CSMD2: variants seen among roughly 807,000 people sequenced by gnomAD.
CSMD2 encodes CUB and Sushi multiple domains 2.
CSMD2 carries 130 observed loss-of-function variants against 398.5 expected under a neutral mutation model. That is an observed-to-expected ratio of 0.33 (90% CI 0.28 to 0.38). The LOEUF (loss-of-function observed/expected upper bound fraction) is 0.38, where lower values mean the gene tolerates loss of function less well. CSMD2 is among the 10% of genes least tolerant of loss of function. CSMD2 has a pLI of 1.00. For missense variants in CSMD2, 3,829 were observed against 4,764.9 expected (o/e 0.80, Z 5.78); for synonymous variants, 1,828 against 1,908.5 (o/e 0.96, Z 1.10).
At chr1:33,984,940 G>C (rs1325680245) in intron 3 of CSMD2, among the ~76,000 whole-genome samples, 2 of 152,056 alleles carry the variant, frequency 1.3e-5, no homozygotes, top group African/African-American at 4.8e-5. Flanking sequence ...GTATAAAAGA[G>C]GTGATGTTAA....
chr1:34,031,548 C>A (rs1650417875), intron 3 of CSMD2, among the ~76,000 whole-genome samples: 1 of 151,978 alleles, frequency 6.6e-6, no homozygotes, highest in South Asian at 2.1e-4. Flanking sequence ...ATAACTGAAG[C>A]CTTCCCAGGA....
At chr1:33,847,665 A>G (rs1377005141) in intron 5 of CSMD2, among the ~76,000 whole-genome samples, 1 of 152,172 alleles carries the variant, frequency 6.6e-6, no homozygotes, top group African/African-American at 2.4e-5. Context: ...ATTATAATTC[A>G]GTTATAGAAG....
intron 2 of CSMD2, among the ~76,000 whole-genome samples, chr1:34,033,541 A>G (rs1650722634): frequency 6.6e-6 from 1 of 152,232 alleles, no homozygotes; most frequent in Non-Finnish European, 1.5e-5. Context: ...ACTGCTGGGC[A>G]TCCATGCCTG....
chr1:33,810,938 C>A, intron 9 of CSMD2, 74 bp from the exon 10 acceptor site: 1 of 1,533,786 alleles, frequency 6.5e-7, no homozygotes. Context: ...CCACTCCCCA[C>A]CCAGAAGACA....
chr1:33,543,571 C>A (rs1391909127), intron 57 of CSMD2, among the ~76,000 whole-genome samples: 1 of 152,200 alleles, frequency 6.6e-6, no homozygotes, highest in Non-Finnish European at 1.5e-5. Context: ...TGAGGCTCAT[C>A]AGTGATTTCG....
rs11287371 is a variant in CSMD2, at chr1:33,715,907, CTT to C, written c.3217+377_3217+378del. On this transcript the variant is annotated intron_variant, in intron 20 of 70. Coordinates refer to ENST00000373381, the MANE Select transcript of CSMD2 (RefSeq NM_001281956.2). Reference sequence around the variant, plus strand: ...CCACTCCAATATGTTAATTTCAAACCTTTTTTTTTTTTCATATTGCTGGGGTT... The same window carrying C: ...CCACTCCAATATGTTAATTTCAAACCTTTTTTTTTTCATATTGCTGGGGTT... 2.6e-3 allele frequency among the ~76,000 whole-genome samples: 382 copies of C among 148,832 alleles called. 2 individuals carry two copies. The Middle Eastern group carries it at 0.028, about 11-fold the overall frequency.
chr1:33,566,476 AT>A (rs1248506247), intron 53 of CSMD2, among the ~76,000 whole-genome samples: 4 of 152,198 alleles, frequency 2.6e-5, no homozygotes, highest in African/African-American at 9.6e-5. Flanking sequence ...AGTCATATTA[AT>A]ATATGTGAAT....
chr1:33,708,939 C>T (rs1645895742), intron 22 of CSMD2, 150 bp downstream of exon 22: 1 of 643,286 alleles, frequency 1.6e-6, no homozygotes. Flanking sequence ...CTCTTTTGGT[C>T]CTCTCTTTCT....
At chr1:33,568,554 A>G (rs1024140283) in intron 52 of CSMD2, among the ~76,000 whole-genome samples, 7 of 152,238 alleles carry the variant, frequency 4.6e-5, no homozygotes, top group African/African-American at 1.7e-4. Context: ...AAGGCAGTCA[A>G]AACCTGGCTG....
At position 33,605,433 on chromosome 1, in the gene CSMD2, A is replaced by G; in HGVS notation, c.6381T>C (p.Phe2127=). The part of the protein sequence containing the change: ...ELQECPDPEP[F]ANGIVRGAGY... ...CAGCTCCCCTCACAATGCCATTGGC[A>G]AAGGGCTCTGGGTCTGGGCACTCTT... is the stretch of plus-strand genomic sequence containing the variant. Residue 2127 remains phenylalanine (F), a synonymous_variant, in exon 42 of 71, where the codon TTT becomes TTC. Transcript: ENST00000373381. 1.2e-6 allele frequency: 2 copies of G among 1,614,188 alleles called. No homozygotes were observed. The highest frequency in any genetic ancestry group is 1.7e-6 in the Non-Finnish European group (2 of 1,180,026).
chr1:33,860,804 T>G (rs1639445491), intron 5 of CSMD2: 1 of 152,210 alleles, frequency 6.6e-6, no homozygotes, highest in Admixed American at 6.5e-5. Context: ...GATCTCACAG[T>G]CTCCGAGGCG....
intron 3 of CSMD2, among the ~76,000 whole-genome samples, chr1:34,011,349 C>T (rs773073886): frequency 6.6e-5 from 10 of 152,090 alleles, no homozygotes; most frequent in African/African-American, 1.9e-4. Context: ...GACAAAAGTC[C>T]GGAAATCAGT....
At chr1:33,939,433 A>C (rs1319404865) in intron 3 of CSMD2, among the ~76,000 whole-genome samples, 1 of 152,158 alleles carries the variant, frequency 6.6e-6, no homozygotes, top group Admixed American at 6.5e-5. Flanking sequence ...TTTGGAGAAA[A>C]AAGCAAGCTA....
At chr1:34,074,779 T>C (rs927239507) in intron 2 of CSMD2, among the ~76,000 whole-genome samples, 5 of 151,884 alleles carry the variant, frequency 3.3e-5, no homozygotes, top group Admixed American at 6.6e-5. Context: ...GAATGCATGG[T>C]AATCTGAGCA....
At chr1:34,156,503 CACTT>C (rs768933922) in intron 1 of CSMD2, among the ~76,000 whole-genome samples, 11 of 152,304 alleles carry the variant, frequency 7.2e-5, no homozygotes, top group East Asian at 1.9e-4. Context: ...CCGTCACACT[CACTT>C]ACTTTCAATC....
chr1:33,841,183 A>G (rs1046028239), intron 6 of CSMD2, among the ~76,000 whole-genome samples: 6 of 152,188 alleles, frequency 3.9e-5, no homozygotes, highest in African/African-American at 7.2e-5. Context: ...AGGTATAGGA[A>G]AGGCAGGCTG....
At chr1:33,682,736 T>G (rs1399446711) in intron 25 of CSMD2, among the ~76,000 whole-genome samples, 1 of 152,194 alleles carries the variant, frequency 6.6e-6, no homozygotes, top group Non-Finnish European at 1.5e-5. Flanking sequence ...CCTATACCCT[T>G]GGTCTGCTCT....
chr1:33,575,193 GGA>G (rs746370150), intron 49 of CSMD2, among the ~76,000 whole-genome samples: 6 of 152,172 alleles, frequency 3.9e-5, no homozygotes, highest in Non-Finnish European at 7.4e-5. Flanking sequence ...GATCTCTGAG[GGA>G]GAGAGACACA....
At chr1:33,628,800 G>T (rs1156733429) in intron 32 of CSMD2, among the ~76,000 whole-genome samples, 1 of 152,012 alleles carries the variant, frequency 6.6e-6, no homozygotes, top group African/African-American at 2.4e-5. Flanking sequence ...CCTCCCAGTG[G>T]GCTTTTTAAT....
Sources: allele counts gnomAD v4.1 joint callset (sites outside exome capture counted in the v4.1 genomes callset), GRCh38; gene constraint gnomAD v4.1.1; transcripts MANE v1.5; gene names NCBI Gene and HGNC (gene_info 2026-07-23, HGNC 2026-07-21).